CAMTA1: variants seen among roughly 807,000 people sequenced by gnomAD.
CAMTA1 encodes the protein calmodulin binding transcription activator 1.
In CAMTA1, 27 loss-of-function variants were observed where a neutral mutation model predicts 170.9. The ratio of observed to expected loss-of-function variants is 0.16; its 90% CI spans 0.12 to 0.22. The LOEUF (loss-of-function observed/expected upper bound fraction) is 0.22. Ranked by LOEUF, CAMTA1 falls within the 10% of genes least tolerant of loss-of-function variation. The probability of loss-of-function intolerance (pLI) is 1.00; values close to 1 mark genes in which losing one functional copy is unlikely to be tolerated. For missense variants in CAMTA1, 1,619 were observed against 2,217.2 expected (o/e 0.73, Z 5.42); for synonymous variants, 833 against 891.5 (o/e 0.93, Z 1.17).
At chr1:7,097,085 G>A (rs1642174251) in intron 4 of CAMTA1, among the ~76,000 whole-genome samples, 1 of 152,110 alleles carries the variant, frequency 6.6e-6, no homozygotes, top group South Asian at 2.1e-4. Flanking sequence ...CCTCTTCCTG[G>A]GAGCCTTCCC....
In CAMTA1 at chr1:7,267,569, T is replaced by C. The variant is rs572015570; in HGVS notation, c.438+17943T>C. 2.6e-5 allele frequency among the ~76,000 whole-genome samples: 4 copies of C among 152,284 alleles called. No homozygotes were observed. In the South Asian group the frequency reaches 8.3e-4, roughly 32 times the overall value. ...TGCCAGATGCCTGTGACATACTCCA[T>C]ATTTAACTGTTCAGACCTACCAGCA... On this transcript the variant is annotated intron_variant, in intron 5 of 22. Coordinates refer to ENST00000303635, the MANE Select transcript of CAMTA1 (RefSeq NM_015215.4).
chr1:7,555,530 G>A (rs866312156), intron 6 of CAMTA1, among the ~76,000 whole-genome samples: 1 of 152,094 alleles, frequency 6.6e-6, no homozygotes, highest in Non-Finnish European at 1.5e-5. Context: ...CCCCAGGGCA[G>A]ACAGAGCCAG....
chr1:7,246,621 C>T (rs1161498518), intron 4 of CAMTA1, among the ~76,000 whole-genome samples: 1 of 151,666 alleles, frequency 6.6e-6, no homozygotes, highest in African/African-American at 2.4e-5. Flanking sequence ...AGAGCAGGAC[C>T]CCACTTCCCT....
Position 7,766,587 on chromosome 1 carries a change from ACACACG to A in CAMTA1, c.*102_*107del. ...AGACATGCAACAACAACACACACGC[ACACACG>A]CACACACACACACGTACACACACAT... On this transcript the variant is annotated 3_prime_UTR_variant, in exon 23 of 23. Transcript: ENST00000303635. 1.0e-5 allele frequency: 10 copies of A among 976,794 alleles called. No individual in the cohort carries two copies. The highest frequency in any genetic ancestry group is 2.6e-5 in the South Asian group (2 of 77,036). The allele number at this position is 976,794 out of a possible 1,614,324, so 60.5% of individuals were successfully genotyped here.
intron 11 of CAMTA1, among the ~76,000 whole-genome samples, chr1:7,703,223 G>A (rs976659343): frequency 1.3e-5 from 2 of 152,132 alleles, no homozygotes; most frequent in African/African-American, 4.8e-5. Context: ...GAATGCATAG[G>A]AGTCTCCCTA....
intron 3 of CAMTA1, among the ~76,000 whole-genome samples, chr1:6,938,094 C>G (rs1047886938): frequency 2.6e-5 from 4 of 152,224 alleles, no homozygotes; most frequent in African/African-American, 7.2e-5. Flanking sequence ...AGTCCACTCT[C>G]ATAGCCATAC....
At chr1:7,703,952 G>T (rs571125510) in intron 11 of CAMTA1, among the ~76,000 whole-genome samples, 7 of 152,074 alleles carry the variant, frequency 4.6e-5, no homozygotes, top group African/African-American at 1.4e-4. Context: ...CCCAAAGGGT[G>T]GGCGGAGCCT....
chr1:7,476,950 G>A (rs981070069), intron 6 of CAMTA1, among the ~76,000 whole-genome samples: 1 of 152,186 alleles, frequency 6.6e-6, no homozygotes, highest in Non-Finnish European at 1.5e-5. Context: ...CGCAGCCCCC[G>A]CCATGCAGAG....
chr1:7,656,581 C>G (rs750346124), intron 7 of CAMTA1, among the ~76,000 whole-genome samples: 1 of 152,238 alleles, frequency 6.6e-6, no homozygotes, highest in Non-Finnish European at 1.5e-5. Context: ...AATAGGACGG[C>G]CCTACCGTGG....
chr1:7,744,888 C>T lies in CAMTA1; in HGVS notation c.4236C>T (p.Ile1412=). The T allele has an allele frequency of 6.2e-7, 1 of 1,614,076 alleles. No homozygotes were observed. Among genetic ancestry groups the T allele is most frequent in the East Asian group, 2.2e-5 (1 of 44,864 alleles). The change falls in exon 17 of 23, where the codon ATC becomes ATT. Residue 1412 remains isoleucine, a synonymous_variant. Coordinates refer to ENST00000303635, the MANE Select transcript of CAMTA1 (RefSeq NM_015215.4). ...TTATTGAAGCCACACCTGACCGAAT[C>T]AAGCAGGAGAATTTTGTGCCCATGG... The part of the protein sequence containing the change: ...EHIIEATPDR[I]KQENFVPMES...
At chr1:6,881,997 A>G (rs1671771343) in intron 3 of CAMTA1, among the ~76,000 whole-genome samples, 1 of 152,068 alleles carries the variant, frequency 6.6e-6, no homozygotes, top group African/African-American at 2.4e-5. Flanking sequence ...AAATAAAATA[A>G]TCACTCTGAA....
At chr1:7,305,393 AAC>A (rs1675430586) in intron 5 of CAMTA1, among the ~76,000 whole-genome samples, 1 of 27,842 alleles carries the variant, frequency 3.6e-5, no homozygotes, top group African/African-American at 2.3e-4. Context: ...CAAAGCAAAA[AAC>A]CCCCCACTAA....
intron 5 of CAMTA1, among the ~76,000 whole-genome samples, chr1:7,317,892 T>C (rs1310603513): frequency 6.6e-6 from 1 of 152,258 alleles, no homozygotes; most frequent in Non-Finnish European, 1.5e-5. Flanking sequence ...TCTCTGTTCC[T>C]TTCCTGCCTA....
chr1:6,876,256 G>T (rs1049813490), intron 3 of CAMTA1, among the ~76,000 whole-genome samples: 1 of 151,398 alleles, frequency 6.6e-6, no homozygotes, highest in Non-Finnish European at 1.5e-5. Flanking sequence ...ACCATCTGGC[G>T]TATGTTTACA....
At chr1:7,166,461 T>G (rs986870510) in intron 4 of CAMTA1, among the ~76,000 whole-genome samples, 1 of 152,198 alleles carries the variant, frequency 6.6e-6, no homozygotes, top group Admixed American at 6.5e-5. Context: ...ATGTTTGTAT[T>G]GATTTATGGT....
chr1:6,892,787 C>G (rs557537664), intron 3 of CAMTA1, among the ~76,000 whole-genome samples: 2 of 152,060 alleles, frequency 1.3e-5, no homozygotes, highest in Admixed American at 1.3e-4. Flanking sequence ...CAGAGGAGCT[C>G]ATGTGCTGGT....
In CAMTA1 at chr1:7,670,988, A is replaced by G. The variant is rs6674962; in HGVS notation, c.2730A>G (p.Ser910=). The part of the protein sequence containing the change: ...NNYSCLFDQI[S]VPASLIQPGV... ...ACAGCTGCCTGTTTGACCAGATCTC[A>G]GTGCCTGCATCCCTGATTCAGCCTG... Residue 910 remains serine (S), a synonymous_variant, in exon 10 of 23, where the codon TCA becomes TCG. Coordinates refer to ENST00000303635, the MANE Select transcript of CAMTA1 (RefSeq NM_015215.4). The G allele has an allele frequency of 9.9e-4, 1,595 of 1,612,992 alleles. 17 individuals carry two copies. In the African/African-American group the frequency reaches 0.019, roughly 19 times the overall value.
At chr1:7,076,417 G>T (rs550915799) in intron 3 of CAMTA1, among the ~76,000 whole-genome samples, 11 of 152,212 alleles carry the variant, frequency 7.2e-5, no homozygotes, top group Admixed American at 2.6e-4. Flanking sequence ...TGCTCTTCAG[G>T]TGACACAATA....
intron 6 of CAMTA1, among the ~76,000 whole-genome samples, chr1:7,543,340 A>G (rs1374593951): frequency 6.6e-6 from 1 of 152,214 alleles, no homozygotes; most frequent in African/African-American, 2.4e-5. Context: ...ATAAAAGGAC[A>G]AGTTCTTAGC....
Sources: gnomAD v4.1 joint callset for allele counts (sites outside exome capture counted in the v4.1 genomes callset) on GRCh38, gnomAD v4.1.1 for gene constraint, MANE v1.5 for transcripts, NCBI Gene and HGNC (gene_info 2026-07-23, HGNC 2026-07-21) for gene names.